ENTPD1: variants seen among roughly 807,000 people sequenced by gnomAD.
The protein encoded by ENTPD1 is ATP diphosphohydrolase.
ENTPD1 carries 33 observed loss-of-function variants against 57.0 expected under a neutral mutation model. The observed-to-expected ratio is 0.58, with a 90% CI of 0.44 to 0.77. The LOEUF (loss-of-function observed/expected upper bound fraction) is 0.77. Among genes scored for constraint, ENTPD1 ranks in the 30% least tolerant of loss-of-function variants. ENTPD1 has a pLI of 0.00. For missense variants in ENTPD1, 501 were observed against 603.4 expected, an observed-to-expected ratio of 0.83 and a Z score of 1.78; for synonymous variants, 202 against 218.8, an observed-to-expected ratio of 0.92 and a Z score of 0.68.
chr10:95,839,533 A>G, intron 2 of ENTPD1, 158 bp from the exon 3 acceptor site: 1 of 762,462 alleles, frequency 1.3e-6, no homozygotes, highest in Non-Finnish European at 2.3e-6. Context: ...TTGTCCTGGT[A>G]GATCTTGTGA....
rs567923732 is a variant in ENTPD1, at chr10:95,876,121, G to C, written c.*9738G>C. 1 of 985,362 alleles carries C rather than the reference G, an allele frequency of 1.0e-6. No individual in the cohort carries two copies. Among genetic ancestry groups the C allele is most frequent in the African/African-American group, 1.7e-5 (1 of 57,350 alleles). The allele number at this position is 985,362 out of a possible 1,614,324, so 61.0% of individuals were successfully genotyped here. The stretch of plus-strand genomic sequence containing the variant: ...CTATTATCATACATAACTAAAAATA[G>C]AGCCTCAATAAACAGATTCCCAGTT... On this transcript the variant is annotated 3_prime_UTR_variant, in exon 10 of 10. Transcript: ENST00000371205.
upstream of ENTPD1, among the ~76,000 whole-genome samples, chr10:95,752,200 G>C (rs1589673921): frequency 6.6e-6 from 1 of 152,318 alleles, no homozygotes; most frequent in East Asian, 1.9e-4. Context: ...GCATGGTGCG[G>C]TGAGAAACGG....
chr10:95,867,118 T>C lies in ENTPD1; in HGVS notation c.*735T>C, dbSNP rs2098475384. The C allele has an allele frequency of 2.0e-6, 2 of 985,918 alleles. No individual in the cohort carries two copies. The highest frequency in any genetic ancestry group is 3.5e-5 in the African/African-American group (2 of 57,222). 61.1% of individuals were successfully genotyped at this position (985,918 alleles called of 1,614,324 possible). ...TGCATTCAAACATCAGGGCTTACTA[T>C]GAGGTAGGTGGTATATACATGTCAC... is the stretch of plus-strand genomic sequence containing the variant. On this transcript the variant is annotated 3_prime_UTR_variant, in exon 10 of 10. Transcript: ENST00000371205.
At chr10:95,843,856 A>G (rs987846384) in intron 4 of ENTPD1, among the ~76,000 whole-genome samples, 1 of 152,232 alleles carries the variant, frequency 6.6e-6, no homozygotes, top group Non-Finnish European at 1.5e-5. Flanking sequence ...TGGGTAGCCT[A>G]GATCTTGGAA....
intron 1 of ENTPD1, among the ~76,000 whole-genome samples, chr10:95,788,991 A>C (rs146946459): frequency 1.1e-4 from 16 of 152,334 alleles, no homozygotes; most frequent in African/African-American, 3.8e-4. Flanking sequence ...CATGGAGGAA[A>C]AAATGCTAAA....
chr10:95,727,494 G>GGGTA (rs2097984902), intron 1 of ENTPD1, among the ~76,000 whole-genome samples: 1 of 152,080 alleles, frequency 6.6e-6, no homozygotes, highest in South Asian at 2.1e-4. Flanking sequence ...ATTTCTTTGT[G>GGGTA]GAAAGAATTC....
chr10:95,869,241 CTTTTTTTTTTT>C lies in ENTPD1; in HGVS notation c.*2874_*2884del, dbSNP rs11312564. On this transcript the variant is annotated 3_prime_UTR_variant, in exon 10 of 10. Transcript: ENST00000371205. ...GAAAAAAGATCAGCAGAAGTCATTA[CTTTTTTTTTTT>C]TTTTTTTTTTTTTTTGAGAGAGAGT... 134 of 699,088 alleles carry C rather than the reference CTTTTTTTTTTT, an allele frequency of 1.9e-4. No homozygotes were observed. The highest frequency in any genetic ancestry group is 7.8e-4 in the Middle Eastern group (1 of 1,284). 43.3% of individuals were successfully genotyped at this position (699,088 alleles called of 1,614,324 possible). A position where few individuals can be genotyped will look rare whatever the true frequency, so the allele number is the denominator to read the frequency against.
At chr10:95,847,758 A>G (rs1229939901) in intron 7 of ENTPD1, 52 bp downstream of exon 7, 1 of 1,611,336 alleles carries the variant, frequency 6.2e-7, no homozygotes, top group Non-Finnish European at 8.5e-7. Context: ...AAGTTATAGA[A>G]TATGTGCCTA....
intron 1 of ENTPD1, among the ~76,000 whole-genome samples, chr10:95,731,423 G>T (rs1172520378): frequency 6.6e-6 from 1 of 152,128 alleles, no homozygotes; most frequent in Non-Finnish European, 1.5e-5. Context: ...CCCTACCCAT[G>T]TACCCTCAGC....
intron 1 of ENTPD1, among the ~76,000 whole-genome samples, chr10:95,798,476 T>C (rs752479558): frequency 6.6e-6 from 1 of 152,220 alleles, no homozygotes; most frequent in Non-Finnish European, 1.5e-5. Flanking sequence ...GAAGAGAGGA[T>C]GTGGCTTCAC....
At chr10:95,849,326 CTAT>C (rs1447570838) in intron 7 of ENTPD1, among the ~76,000 whole-genome samples, 1 of 152,188 alleles carries the variant, frequency 6.6e-6, no homozygotes, top group African/African-American at 2.4e-5. Context: ...TGACTATGCA[CTAT>C]ATGTATATTA....
At chr10:95,744,559 T>G (rs1027081081) in intron 1 of ENTPD1, among the ~76,000 whole-genome samples, 1 of 151,500 alleles carries the variant, frequency 6.6e-6, no homozygotes, top group African/African-American at 2.4e-5. Context: ...AGGCAGAGGT[T>G]GCAGTGAGCC....
chr10:95,804,779 A>G (rs2140367429), intron 1 of ENTPD1, among the ~76,000 whole-genome samples: 1 of 152,312 alleles, frequency 6.6e-6, no homozygotes, highest in Non-Finnish European at 1.5e-5. Context: ...GAATGCTTCC[A>G]GTTTTTGCAC....
intron 1 of ENTPD1, among the ~76,000 whole-genome samples, chr10:95,772,181 G>C (rs1003387572): frequency 3.3e-5 from 5 of 152,194 alleles, no homozygotes; most frequent in Non-Finnish European, 7.3e-5. Context: ...TGATGTTTAT[G>C]TTGCTGACTT....
chr10:95,779,574 T>C (rs1471431446), intron 1 of ENTPD1, among the ~76,000 whole-genome samples: 2 of 152,196 alleles, frequency 1.3e-5, no homozygotes, highest in African/African-American at 2.4e-5. Context: ...AGTAATACTT[T>C]TGATGTTTCT....
At chr10:95,835,497 T>G (rs964392588) in intron 2 of ENTPD1, among the ~76,000 whole-genome samples, 22 of 152,334 alleles carry the variant, frequency 1.4e-4, no homozygotes, top group African/African-American at 5.3e-4. Context: ...CTATTTTTAG[T>G]TCTTTGAGAA....
chr10:95,723,022 A>G (rs1192006975), intron 1 of ENTPD1, among the ~76,000 whole-genome samples: 1 of 152,198 alleles, frequency 6.6e-6, no homozygotes, highest in Non-Finnish European at 1.5e-5. Flanking sequence ...GCTGCTACAG[A>G]TTGAATGCAT....
the ENTPD1 span, among the ~76,000 whole-genome samples, chr10:95,704,743 A>G: frequency 1.5e-4 from 23 of 152,242 alleles, no homozygotes; most frequent in Non-Finnish European, 3.1e-4. Flanking sequence ...GCTGGACAAA[A>G]ATCACTGATA....
rs898937879 is a variant in ENTPD1, at chr10:95,746,106, G to A, written c.37+34113G>A. On this transcript the variant is annotated intron_variant, in intron 1 of 9. Coordinates refer to the ENTPD1 transcript ENST00000453258. ...TTGACTCTCATTTCCTTCAAGTACC[G>A]TTAGGTTACTTCTGAAAAATAAGTG... Among the ~76,000 whole-genome samples, 7 of 152,266 alleles carry A rather than the reference G, an allele frequency of 4.6e-5. No individual in the cohort carries two copies. In the East Asian group the frequency reaches 1.2e-3, roughly 25 times the overall value.
Sources: gnomAD v4.1 joint callset for allele counts (sites outside exome capture counted in the v4.1 genomes callset) on GRCh38, gnomAD v4.1.1 for gene constraint, MANE v1.5 for transcripts, NCBI Gene and HGNC (gene_info 2026-07-23, HGNC 2026-07-21) for gene names.